Variants in ACOT1 observed in about 807,000 individuals in gnomAD.
ACOT1 encodes the protein acyl-coenzyme A thioesterase 1.
Under a neutral mutation model 15.7 loss-of-function variants are expected in ACOT1, and 8 were observed. The ratio of observed to expected loss-of-function variants is 0.51; its 90% CI spans 0.30 to 0.92. The LOEUF is 0.92. Among genes scored for constraint, ACOT1 ranks in the 40% least tolerant of loss-of-function variants. ACOT1 has a pLI of 0.06. For synonymous variants in ACOT1, 67 were observed against 241.2 expected, an observed-to-expected ratio of 0.28 and a Z score of 6.69; for missense variants, 151 against 539.4, an observed-to-expected ratio of 0.28 and a Z score of 7.13.
chr14:73,509,660 C>T, the ACOT1 span, among the ~76,000 whole-genome samples: 42 of 151,252 alleles, frequency 2.8e-4, no homozygotes, highest in African/African-American at 9.9e-4. Flanking sequence ...TGTTAAAGCT[C>T]ACCTGTGTGC....
chr14:73,523,362 AG>A, the ACOT1 span: 1 of 552,112 alleles, frequency 1.8e-6, no homozygotes, highest in Non-Finnish European at 3.2e-6. Flanking sequence ...GAAGAACAAA[AG>A]AAGAAAATGG....
chr14:73,515,575 G>C, the ACOT1 span, among the ~76,000 whole-genome samples: 1 of 150,444 alleles, frequency 6.6e-6, no homozygotes, highest in Non-Finnish European at 1.5e-5. Context: ...AGCTACTCGG[G>C]ATGCTGAAGC....
chr14:73,523,326 G>T, the ACOT1 span: 7 of 606,882 alleles, frequency 1.2e-5, no homozygotes, highest in Non-Finnish European at 2.0e-5. Context: ...AGATGGAAAG[G>T]GGGTGGGGAA....
the ACOT1 span, chr14:73,523,044 T>C: frequency 1.2e-6 from 2 of 1,614,034 alleles, no homozygotes; most frequent in African/African-American, 1.3e-5. Flanking sequence ...CACTCCTCCT[T>C]GCCTTTCAAT....
At chr14:73,524,293 CAAA>C in the ACOT1 span, among the ~76,000 whole-genome samples, 75 of 56,648 alleles carry the variant, frequency 1.3e-3, 1 homozygote, top group Middle Eastern at 0.014. Context: ...AACTCCGTCT[CAAA>C]AAAAAAAAAA....
the ACOT1 span, among the ~76,000 whole-genome samples, chr14:73,528,411 A>AAAC: frequency 6.7e-6 from 1 of 148,628 alleles, no homozygotes; most frequent in African/African-American, 2.4e-5. Context: ...AAAAAAAAAA[A>AAAC]AAACTTAAGG....
At chr14:73,520,627 A>G in the ACOT1 span, 1 of 463,912 alleles carries the variant, frequency 2.2e-6, no homozygotes, top group African/African-American at 2.0e-5. Context: ...CTTTAGTAAG[A>G]TAGAGGGATA....
At chr14:73,525,346 C>G in the ACOT1 span, among the ~76,000 whole-genome samples, 1 of 152,202 alleles carries the variant, frequency 6.6e-6, no homozygotes, top group Non-Finnish European at 1.5e-5. Flanking sequence ...GCTCAACTTT[C>G]ATCTAGATGC....
At chr14:73,491,191 G>C in the ACOT1 span, 11 of 1,598,396 alleles carry the variant, frequency 6.9e-6, no homozygotes, top group Non-Finnish European at 9.4e-6. Flanking sequence ...CGCAGACGCT[G>C]CCTAGCGAGA....
chr14:73,495,991 G>A, the ACOT1 span, among the ~76,000 whole-genome samples: 1 of 152,132 alleles, frequency 6.6e-6, no homozygotes, highest in East Asian at 1.9e-4. Context: ...TTAGTTGGGT[G>A]TGGTGGCACA....
chr14:73,506,331 G>T, the ACOT1 span: 5 of 635,430 alleles, frequency 7.9e-6, no homozygotes, highest in Non-Finnish European at 1.4e-5. Flanking sequence ...TTCTGGGCTA[G>T]AAGTAAGAAG....
the ACOT1 span, chr14:73,492,395 G>T: frequency 6.2e-7 from 1 of 1,613,880 alleles, no homozygotes; most frequent in Non-Finnish European, 8.5e-7. The surrounding 1 kb of genome is among the most constrained non-coding windows in gnomAD (Gnocchi z 4.9). Context: ...AGACTTCATG[G>T]ATTACATGGG....
the ACOT1 span, among the ~76,000 whole-genome samples, chr14:73,525,371 C>T: frequency 1.3e-5 from 2 of 152,122 alleles, no homozygotes; most frequent in Non-Finnish European, 2.9e-5. Context: ...AGGCCAGAAT[C>T]AATAACCTCC....
chr14:73,494,735 T>A, the ACOT1 span, among the ~76,000 whole-genome samples: 1 of 152,044 alleles, frequency 6.6e-6, no homozygotes, highest in Non-Finnish European at 1.5e-5. Flanking sequence ...TTATTTATTT[T>A]TTTGTAGAGA....
chr14:73,522,840 T>C, the ACOT1 span: 1 of 1,613,630 alleles, frequency 6.2e-7, no homozygotes, highest in African/African-American at 1.3e-5. Context: ...ATCTGGGGAG[T>C]ATGGATGATG....
At chr14:73,492,996 TA>T in the ACOT1 span, 1 of 1,492,004 alleles carries the variant, frequency 6.7e-7, no homozygotes, top group Non-Finnish European at 8.9e-7. This position sits in a 1 kb window ranked among gnomAD's most constrained non-coding sequence, Gnocchi z 4.9. Context: ...CTGCCACTGC[TA>T]CCTTTTTTTT....
At chr14:73,491,510 G>T in the ACOT1 span, 1 of 1,512,092 alleles carries the variant, frequency 6.6e-7, no homozygotes. Flanking sequence ...CGGGGCCCCT[G>T]CGACGGCGTC....
At chr14:73,494,629 C>T in the ACOT1 span, among the ~76,000 whole-genome samples, 1 of 152,148 alleles carries the variant, frequency 6.6e-6, no homozygotes. Flanking sequence ...TGGGTTACTG[C>T]AGCCTCAACC....
the ACOT1 span, chr14:73,500,437 C>T: frequency 1.7e-6 from 2 of 1,178,120 alleles, no homozygotes; most frequent in South Asian, 1.5e-5. Flanking sequence ...TTCCCAGTTC[C>T]AATCTCTCAT....
Sources: allele counts gnomAD v4.1 joint callset (sites outside exome capture counted in the v4.1 genomes callset), GRCh38; gene constraint gnomAD v4.1.1; non-coding constraint Gnocchi (gnomAD v3.1); transcripts MANE v1.5; gene names NCBI Gene and HGNC (gene_info 2026-07-23, HGNC 2026-07-21).